ANKRD44: variants seen among roughly 807,000 people sequenced by gnomAD.
ANKRD44 encodes the protein ankyrin repeat domain 44, also known as serine/threonine-protein phosphatase 6 regulatory ankyrin repeat subunit B.
A neutral mutation model predicts 116.0 loss-of-function variants in ANKRD44; 35 were observed. The observed-to-expected ratio is 0.30, with a 90% confidence interval of 0.23 to 0.40. The LOEUF (loss-of-function observed/expected upper bound fraction) is 0.40. Ranked by LOEUF, ANKRD44 falls within the 10% of genes least tolerant of loss-of-function variation. The probability of loss-of-function intolerance (pLI) is 1.00; values close to 1 mark genes in which losing one functional copy is unlikely to be tolerated. For synonymous variants in ANKRD44, 435 were observed against 461.8 expected (o/e 0.94, Z 0.74); for missense variants, 1,014 against 1,242.6 (o/e 0.82, Z 2.77).
intron 1 of ANKRD44, among the ~76,000 whole-genome samples, chr2:197,270,907 A>T (rs2105777789): frequency 6.6e-6 from 1 of 152,302 alleles, no homozygotes; most frequent in Admixed American, 6.5e-5. Context: ...CTTGGCACAC[A>T]TCACTACAGT....
chr2:197,110,645 G>A (rs1021833367), intron 9 of ANKRD44, 121 bp downstream of exon 9: 2 of 786,950 alleles, frequency 2.5e-6, no homozygotes, highest in Non-Finnish European at 4.5e-6. Flanking sequence ...AAAGAATTAT[G>A]TAATTGCATG....
rs550560432 is a variant in ANKRD44 at position 197,300,069 on chromosome 2, AAAGT to A, written c.27+10505_27+10508del. 3.2e-3 allele frequency among the ~76,000 whole-genome samples: 481 copies of A among 152,360 alleles called. 1 individual carries two copies. Among genetic ancestry groups the A allele is most frequent in the African/African-American group, 0.01 (436 of 41,572 alleles). ...TTAATGCTTCAATACTTTTTGGAAC[AAAGT>A]AAATACAAATTAATTTGTAAAAAGT... On this transcript the variant is annotated intron_variant, in intron 1 of 27. Coordinates refer to ENST00000282272, the MANE Select transcript of ANKRD44 (RefSeq NM_001195144.2).
rs147195565 is a variant in ANKRD44 at position 196,987,979 on chromosome 2, AAGAG to A, written c.*1608_*1611del. The A allele has an allele frequency of 2.2e-5, 21 of 964,622 alleles. No homozygotes were observed. Among genetic ancestry groups the A allele is most frequent in the Non-Finnish European group, 2.3e-5 (19 of 811,736 alleles). The allele number at this position is 964,622 out of a possible 1,614,324, so 59.8% of individuals were successfully genotyped here. On this transcript the variant is annotated 3_prime_UTR_variant, in exon 28 of 28. Transcript: ENST00000282272. ...GGTATGGGAGAAAGAGAAAGAGAGG[AAGAG>A]AGAGAGAGAGAGATCAGTTGATGTA... is the stretch of plus-strand genomic sequence containing the variant.
chr2:196,986,595 AG>A, downstream of ANKRD44: 2 of 552,254 alleles, frequency 3.6e-6, no homozygotes, highest in Non-Finnish European at 4.6e-6. Context: ...ATTTGGCTTG[AG>A]GGGGTGCAAA....
intron 16 of ANKRD44, among the ~76,000 whole-genome samples, chr2:197,037,083 GT>G (rs1222843609): frequency 2.6e-5 from 4 of 152,186 alleles, no homozygotes; most frequent in African/African-American, 7.2e-5. Context: ...CTTAACAGAT[GT>G]AAAAAATAAA....
intron 2 of ANKRD44, among the ~76,000 whole-genome samples, chr2:197,164,675 G>A (rs1248932070): frequency 2.0e-5 from 3 of 152,026 alleles, no homozygotes; most frequent in African/African-American, 7.2e-5. Flanking sequence ...CCGGACGTCC[G>A]CTTTCTCGCC....
At chr2:197,014,558 C>CTCCCTCAA (rs749651435) in intron 17 of ANKRD44, among the ~76,000 whole-genome samples, 5 of 151,984 alleles carry the variant, frequency 3.3e-5, no homozygotes, top group Non-Finnish European at 7.4e-5. Context: ...GAGGCCGAGA[C>CTCCCTCAA]GGGTGGATCA....
chr2:197,133,351 C>T (rs2079136075), intron 4 of ANKRD44, among the ~76,000 whole-genome samples: 1 of 152,214 alleles, frequency 6.6e-6, no homozygotes, highest in African/African-American at 2.4e-5. Context: ...TGCTGACCTA[C>T]AGTGACTTCA....
At chr2:197,166,270 C>A (rs2080099578) in intron 2 of ANKRD44, among the ~76,000 whole-genome samples, 1 of 152,164 alleles carries the variant, frequency 6.6e-6, no homozygotes, top group Non-Finnish European at 1.5e-5. Context: ...TATGCTTATG[C>A]CTTTGGCCAA....
intron 7 of ANKRD44, among the ~76,000 whole-genome samples, chr2:197,122,020 T>C (rs868503406): frequency 6.6e-6 from 1 of 152,090 alleles, no homozygotes; most frequent in South Asian, 2.1e-4. Context: ...TCTGTTTTGC[T>C]CTGGAGTCCG....
rs71012942 is a variant in ANKRD44, at chr2:196,979,554, C to CTTTTTTTTTTTTT, written c.2369-12121_2369-12109dup. ...CAGCCTGAGTAATTTAATAAGATGA[C>CTTTTTTTTTTTTT]TTTTTTTTTTTTTTTTTTTTTTTTT... On this transcript the variant is annotated intron_variant, in intron 21 of 21. Transcript: ENST00000424317. 2.6e-3 allele frequency among the ~76,000 whole-genome samples: 154 copies of CTTTTTTTTTTTTT among 59,640 alleles called. 10 individuals are homozygous for CTTTTTTTTTTTTT. The highest frequency in any genetic ancestry group is 3.0e-3 in the Non-Finnish European group (98 of 33,078). The allele number at this position is 59,640 out of a possible 152,430, so 39.1% of individuals were successfully genotyped here. A position where few individuals can be genotyped will look rare whatever the true frequency, so the allele number is the denominator to read the frequency against.
At chr2:197,088,849 A>G in intron 11 of ANKRD44, 75 bp from the exon 12 acceptor site, 1 of 1,489,338 alleles carries the variant, frequency 6.7e-7, no homozygotes, top group Admixed American at 1.9e-5. Flanking sequence ...CACAAGAAAC[A>G]TTGCAGAGAC....
chr2:197,219,897 G>A (rs539181876), intron 1 of ANKRD44, among the ~76,000 whole-genome samples: 8 of 152,328 alleles, frequency 5.3e-5, no homozygotes, highest in Non-Finnish European at 1.0e-4. Flanking sequence ...TAGAGAATAC[G>A]AAGGAAGTAA....
chr2:197,236,438 C>A (rs1030577091), intron 1 of ANKRD44, among the ~76,000 whole-genome samples: 1 of 152,214 alleles, frequency 6.6e-6, no homozygotes, highest in South Asian at 2.1e-4. Context: ...AAAAAAGGAG[C>A]AGCAGGAGAA....
intron 1 of ANKRD44, among the ~76,000 whole-genome samples, chr2:197,256,811 G>A (rs958039022): frequency 1.3e-5 from 2 of 152,144 alleles, no homozygotes; most frequent in Non-Finnish European, 1.5e-5. Context: ...TGCAATGGGA[G>A]GCAGCCACAT....
At chr2:197,273,876 TC>T (rs1329929061) in intron 1 of ANKRD44, among the ~76,000 whole-genome samples, 11 of 148,198 alleles carry the variant, frequency 7.4e-5, no homozygotes, top group Admixed American at 6.8e-4. Flanking sequence ...CTTAAGCTGA[TC>T]CAGTGATAAA....
At chr2:197,104,436 A>T (rs2125245708) in intron 9 of ANKRD44, among the ~76,000 whole-genome samples, 1 of 152,292 alleles carries the variant, frequency 6.6e-6, no homozygotes, top group African/African-American at 2.4e-5. Context: ...CATTTTTAAA[A>T]GTAGGACTAT....
In ANKRD44 at chr2:197,008,761, C is replaced by G. The variant is rs74971533; in HGVS notation, c.2012+183G>C. On this transcript the variant is annotated intron_variant, in intron 19 of 27. Coordinates refer to ENST00000282272, the MANE Select transcript of ANKRD44 (RefSeq NM_001195144.2). ...CATCAAGACATGTGCACACCCACTCCTTCATGCTTTTCTTGGATATACGCA... is the reference window on the plus strand; with the variant it reads ...CATCAAGACATGTGCACACCCACTCGTTCATGCTTTTCTTGGATATACGCA... Among the ~76,000 whole-genome samples, 848 of 152,316 alleles carry G rather than the reference C, an allele frequency of 5.6e-3. 3 individuals are homozygous for G. The highest frequency in any genetic ancestry group is 0.01 in the Middle Eastern group (3 of 294).
chr2:196,993,778 C>T (rs2075962809), intron 26 of ANKRD44, 104 bp from the exon 27 acceptor site: 1 of 864,752 alleles, frequency 1.2e-6, no homozygotes, highest in Non-Finnish European at 1.8e-6. Context: ...TTAGACTCTA[C>T]AAATAGTACA....
Sources: allele counts gnomAD v4.1 joint callset (sites outside exome capture counted in the v4.1 genomes callset), GRCh38; gene constraint gnomAD v4.1.1; transcripts MANE v1.5; gene names NCBI Gene and HGNC (gene_info 2026-07-23, HGNC 2026-07-21).